SMOC1: variants seen among roughly 807,000 people sequenced by gnomAD.
The protein encoded by SMOC1 is SPARC-related modular calcium-binding protein 1.
Under a neutral mutation model 56.3 loss-of-function variants are expected in SMOC1, and 22 were observed. That is an observed-to-expected ratio of 0.39 (90% CI 0.28 to 0.56). The LOEUF (loss-of-function observed/expected upper bound fraction) is 0.56, where lower values mean the gene tolerates loss of function less well. Among genes scored for constraint, SMOC1 ranks in the 20% least tolerant of loss-of-function variants. SMOC1 has a pLI of 0.61. For missense variants in SMOC1, 509 were observed against 565.4 expected, an observed-to-expected ratio of 0.90 and a Z score of 1.01; for synonymous variants, 193 against 215.0, an observed-to-expected ratio of 0.90 and a Z score of 0.89.
intron 1 of SMOC1, among the ~76,000 whole-genome samples, chr14:69,887,393 T>A (rs1594786367): frequency 6.6e-6 from 1 of 151,944 alleles, no homozygotes; most frequent in Admixed American, 6.5e-5. Flanking sequence ...TTGGTGTGGG[T>A]TGGTGTTGAT....
Position 69,999,631 on chromosome 14 carries a change from G to C in SMOC1, c.664+5151G>C, listed in dbSNP as rs1041720321. Among the ~76,000 whole-genome samples the C allele has an allele frequency of 2.6e-5, 4 of 152,162 alleles. No individual in the cohort carries two copies. The East Asian group carries it at 7.7e-4, about 29-fold the overall frequency. On this transcript the variant is annotated intron_variant, in intron 7 of 11. Coordinates refer to ENST00000361956, the MANE Select transcript of SMOC1 (RefSeq NM_001034852.3). ...CCCATCTCTCTGATGCAGGTGCCTT[G>C]GTCAATCATGGCCAGTAGAATTGAG...
chr14:69,958,018 C>T (rs1214657172), intron 3 of SMOC1, among the ~76,000 whole-genome samples: 2 of 152,166 alleles, frequency 1.3e-5, no homozygotes, highest in Non-Finnish European at 2.9e-5. Context: ...ATTTATAAGT[C>T]AGTTATTTGG....
chr14:69,986,812 C>A (rs1046792801), intron 5 of SMOC1, among the ~76,000 whole-genome samples: 1 of 152,122 alleles, frequency 6.6e-6, no homozygotes, highest in Non-Finnish European at 1.5e-5. Flanking sequence ...GTTTTCACTT[C>A]TTTTGGGAGG....
At chr14:70,001,958 A>C (rs939641889) in intron 7 of SMOC1, among the ~76,000 whole-genome samples, 4 of 152,224 alleles carry the variant, frequency 2.6e-5, no homozygotes, top group Admixed American at 1.3e-4. Context: ...CTAACATGCC[A>C]GACCCTTCGA....
chr14:69,950,210 C>T (rs1363755932), intron 1 of SMOC1, among the ~76,000 whole-genome samples: 4 of 152,166 alleles, frequency 2.6e-5, no homozygotes, highest in African/African-American at 4.8e-5. Context: ...TCAGCTGCTC[C>T]ATCCCTGTGC....
At chr14:69,906,920 A>T (rs558380316) in intron 1 of SMOC1, among the ~76,000 whole-genome samples, 2 of 152,228 alleles carry the variant, frequency 1.3e-5, no homozygotes, top group Non-Finnish European at 2.9e-5. Flanking sequence ...TTAGATGGAG[A>T]TGCAAAGTCA....
chr14:70,025,015 T>A (rs889906500), intron 11 of SMOC1, among the ~76,000 whole-genome samples: 1 of 151,808 alleles, frequency 6.6e-6, no homozygotes, highest in African/African-American at 2.4e-5. Context: ...TCAAGTTAGG[T>A]ATGGGACAAA....
chr14:69,960,575 G>C (rs906722599), intron 3 of SMOC1, among the ~76,000 whole-genome samples: 1 of 151,990 alleles, frequency 6.6e-6, no homozygotes, highest in Admixed American at 6.6e-5. Flanking sequence ...GGCACTTATT[G>C]CTTTTCTTTT....
chr14:70,028,790 G>A (rs1175738037), intron 11 of SMOC1, among the ~76,000 whole-genome samples: 1 of 152,184 alleles, frequency 6.6e-6, no homozygotes, highest in Non-Finnish European at 1.5e-5. Flanking sequence ...TTCTTTTAGA[G>A]TTCATGTCCT....
intron 10 of SMOC1, among the ~76,000 whole-genome samples, chr14:70,015,511 C>T (rs1885479778): frequency 6.6e-6 from 1 of 152,028 alleles, no homozygotes; most frequent in Admixed American, 6.6e-5. Flanking sequence ...CAGTGGTTGC[C>T]CGTCTTGGAA....
intron 1 of SMOC1, among the ~76,000 whole-genome samples, chr14:69,940,252 G>T (rs1013977810): frequency 2.0e-5 from 3 of 152,120 alleles, no homozygotes; most frequent in Non-Finnish European, 4.4e-5. Flanking sequence ...TCCCCTAGTG[G>T]TAAAACACAT....
At chr14:69,977,505 G>A (rs1884007882) in intron 4 of SMOC1, among the ~76,000 whole-genome samples, 1 of 152,358 alleles carries the variant, frequency 6.6e-6, no homozygotes, top group East Asian at 1.9e-4. Context: ...TGCCTTTGCA[G>A]TAAAAGGGAG....
chr14:70,005,071 G>C (rs1219048021), intron 7 of SMOC1, among the ~76,000 whole-genome samples: 1 of 152,226 alleles, frequency 6.6e-6, no homozygotes, highest in Non-Finnish European at 1.5e-5. Flanking sequence ...TTCTTCAGCA[G>C]TTCCTCCTCT....
intron 1 of SMOC1, among the ~76,000 whole-genome samples, chr14:69,933,097 G>A (rs59758662): frequency 1.3e-4 from 20 of 151,996 alleles, no homozygotes; most frequent in Non-Finnish European, 2.5e-4. Context: ...TCTCTGATCC[G>A]TTTCACCCAT....
In SMOC1 at chr14:70,031,675, G is replaced by A. The variant is rs1479172808; in HGVS notation, c.*1417G>A. ...TCACAGGCATCTTCCGCGGATTCTAGGGTGGGCTGCCCAGCCTTCTGGTCT... is the reference window on the plus strand; with the variant it reads ...TCACAGGCATCTTCCGCGGATTCTAAGGTGGGCTGCCCAGCCTTCTGGTCT... On this transcript the variant is annotated 3_prime_UTR_variant, in exon 12 of 12. Coordinates refer to ENST00000361956, the MANE Select transcript of SMOC1 (RefSeq NM_001034852.3). 6.6e-6 allele frequency: 1 copy of A among 152,318 alleles called. No homozygotes were observed. Among genetic ancestry groups the A allele is most frequent in the African/African-American group, 2.4e-5 (1 of 41,462 alleles). The allele number at this position is 152,318 out of a possible 1,614,324, so 9.4% of individuals were successfully genotyped here.
At chr14:69,951,621 T>C (rs1411995467) in intron 1 of SMOC1, among the ~76,000 whole-genome samples, 1 of 152,206 alleles carries the variant, frequency 6.6e-6, no homozygotes, top group Non-Finnish European at 1.5e-5. Flanking sequence ...AATAAAACTT[T>C]CCCGAGATGG....
chr14:70,002,561 C>G (rs537560754), intron 7 of SMOC1, among the ~76,000 whole-genome samples: 3 of 152,184 alleles, frequency 2.0e-5, no homozygotes, highest in Non-Finnish European at 2.9e-5. Flanking sequence ...AGAGCCCCTG[C>G]ATAACTCTGA....
At chr14:69,891,627 C>A (rs569382101) in intron 1 of SMOC1, among the ~76,000 whole-genome samples, 1 of 152,242 alleles carries the variant, frequency 6.6e-6, no homozygotes, top group African/African-American at 2.4e-5. Context: ...CTGCTGCTGC[C>A]TTCTCCCGGC....
intron 1 of SMOC1, among the ~76,000 whole-genome samples, chr14:69,909,418 G>A (rs1376921590): frequency 6.6e-6 from 1 of 152,068 alleles, no homozygotes; most frequent in Non-Finnish European, 1.5e-5. Context: ...CATTTCCTCT[G>A]ATGGACTTCA....
Sources: allele counts gnomAD v4.1 joint callset (sites outside exome capture counted in the v4.1 genomes callset), GRCh38; gene constraint gnomAD v4.1.1; transcripts MANE v1.5; gene names NCBI Gene and HGNC (gene_info 2026-07-23, HGNC 2026-07-21).